The following GRID1 variants were observed in gnomAD, a reference collection of about 807,000 sequenced individuals.
GRID1 encodes glutamate receptor ionotropic, delta-1.
In GRID1, 28 loss-of-function variants were observed where a neutral mutation model predicts 98.0. The ratio of observed to expected loss-of-function variants is 0.29; its 90% CI spans 0.21 to 0.39. The LOEUF (loss-of-function observed/expected upper bound fraction) is 0.39. Among genes scored for constraint, GRID1 ranks in the 10% least tolerant of loss-of-function variants. The pLI, the probability that GRID1 is intolerant of heterozygous loss-of-function variation, is 1.00. For missense variants in GRID1, 1,111 were observed against 1,340.5 expected, an observed-to-expected ratio of 0.83 and a Z score of 2.67; for synonymous variants, 553 against 538.5, an observed-to-expected ratio of 1.03 and a Z score of -0.37.
intron 4 of GRID1, among the ~76,000 whole-genome samples, chr10:85,995,838 C>G (rs1842733284): frequency 6.6e-6 from 1 of 152,226 alleles, no homozygotes; most frequent in African/African-American, 2.4e-5. Context: ...GAAGGAAAAT[C>G]TCAGGAAAGC....
intron 13 of GRID1, 58 bp downstream of exon 13, chr10:85,647,144 G>C: frequency 7.1e-7 from 1 of 1,412,166 alleles, no homozygotes; most frequent in South Asian, 1.2e-5. Context: ...CCACCTGGGG[G>C]CTGACCACCC....
intron 8 of GRID1, among the ~76,000 whole-genome samples, chr10:85,801,653 T>C (rs942125386): frequency 6.6e-6 from 1 of 151,812 alleles, no homozygotes; most frequent in African/African-American, 2.4e-5. Flanking sequence ...AAGTGCTTTA[T>C]TTTGATAAAA....
chr10:85,899,029 A>G (rs1487293098), intron 5 of GRID1, among the ~76,000 whole-genome samples: 1 of 152,232 alleles, frequency 6.6e-6, no homozygotes, highest in African/African-American at 2.4e-5. Flanking sequence ...CTATGACATT[A>G]GGATGGCTAC....
At chr10:86,193,948 C>T (rs55774006) in intron 3 of GRID1, among the ~76,000 whole-genome samples, 12,266 of 152,074 alleles carry the variant, frequency 0.081, 645 homozygotes, top group Admixed American at 0.12. Flanking sequence ...CCTAAGTGGG[C>T]CCTTGCTGCA....
At chr10:86,054,596 G>A (rs747686316) in intron 4 of GRID1, among the ~76,000 whole-genome samples, 2 of 152,168 alleles carry the variant, frequency 1.3e-5, no homozygotes, top group Non-Finnish European at 2.9e-5. Context: ...TCTCATTTTG[G>A]CCCCTGGCTG....
At chr10:85,814,530 T>C (rs914458265) in intron 8 of GRID1, among the ~76,000 whole-genome samples, 1 of 151,888 alleles carries the variant, frequency 6.6e-6, no homozygotes, top group African/African-American at 2.4e-5. Flanking sequence ...ATGAGTAAGA[T>C]TGATAAACCT....
chr10:85,618,821 C>T (rs1267994611), intron 14 of GRID1, among the ~76,000 whole-genome samples: 1 of 152,218 alleles, frequency 6.6e-6, no homozygotes, highest in Non-Finnish European at 1.5e-5. Context: ...CTGGATTCTA[C>T]TCCCAGCTCT....
intron 4 of GRID1, among the ~76,000 whole-genome samples, chr10:86,094,375 G>A (rs1844191040): frequency 6.6e-6 from 1 of 152,094 alleles, no homozygotes; most frequent in Non-Finnish European, 1.5e-5. Flanking sequence ...AGAAATAAAG[G>A]GCATCCAAAT....
chr10:85,896,687 A>AC, intron 5 of GRID1, among the ~76,000 whole-genome samples: 1 of 152,332 alleles, frequency 6.6e-6, no homozygotes, highest in East Asian at 1.9e-4. Context: ...AATGCAGTGC[A>AC]CCTTTTTATC....
At chr10:86,007,589 T>C (rs1842875596) in intron 4 of GRID1, among the ~76,000 whole-genome samples, 1 of 152,220 alleles carries the variant, frequency 6.6e-6, no homozygotes, top group Non-Finnish European at 1.5e-5. Flanking sequence ...ACAATATCAC[T>C]GCTGAAACAA....
At chr10:86,232,001 A>ATT (rs148826331) in intron 2 of GRID1, among the ~76,000 whole-genome samples, 3 of 151,348 alleles carry the variant, frequency 2.0e-5, no homozygotes, top group Non-Finnish European at 4.4e-5. Flanking sequence ...CCGCATGGAC[A>ATT]TTTTTTTTTA....
At chr10:86,319,917 G>A (rs1267473384) in intron 2 of GRID1, among the ~76,000 whole-genome samples, 3 of 152,164 alleles carry the variant, frequency 2.0e-5, no homozygotes, top group Admixed American at 6.5e-5. Flanking sequence ...TAGCTCCCTC[G>A]GTGACAGCAG....
chr10:85,743,114 C>CCCCCA lies in GRID1; in HGVS notation c.1234-13501_1234-13500insTGGGG, dbSNP rs746066592. Among the ~76,000 whole-genome samples, 10 of 134,490 alleles carry CCCCCA rather than the reference C, an allele frequency of 7.4e-5. 1 individual carries two copies. The highest frequency in any genetic ancestry group is 2.5e-4 in the East Asian group (1 of 3,960). 88.2% of individuals were successfully genotyped at this position (134,490 alleles called of 152,430 possible). A position where few individuals can be genotyped will look rare whatever the true frequency, so the allele number is the denominator to read the frequency against. On this transcript the variant is annotated intron_variant, in intron 8 of 15. Coordinates refer to ENST00000327946, the MANE Select transcript of GRID1 (RefSeq NM_017551.3). ...AGGATAGAATTATGCAGCCCCCCCCCCCACCACCCATTGAGAACCAATTAT... is the reference window on the plus strand; with the variant it reads ...AGGATAGAATTATGCAGCCCCCCCCCCCCCACCACCACCCATTGAGAACCAATTAT...
rs1843156264 is a variant in GRID1 at position 86,029,428 on chromosome 10, T to C, written c.726+109391A>G. Among the ~76,000 whole-genome samples the C allele has an allele frequency of 2.6e-5, 4 of 152,204 alleles. No homozygotes were observed. In the South Asian group the frequency reaches 8.3e-4, roughly 31 times the overall value. On this transcript the variant is annotated intron_variant, in intron 4 of 15. Coordinates refer to ENST00000327946, the MANE Select transcript of GRID1 (RefSeq NM_017551.3). ...CACCTTTAAGAGGTCTTATCTGAGA[T>C]TCCTTGTGGAACAGAGTTCCATCAA... is the stretch of plus-strand genomic sequence containing the variant.
intron 6 of GRID1, among the ~76,000 whole-genome samples, chr10:85,860,787 T>C (rs1843157156): frequency 6.6e-6 from 1 of 151,882 alleles, no homozygotes; most frequent in Non-Finnish European, 1.5e-5. Context: ...ACGAGTGAAG[T>C]AGATCTCCAC....
At chr10:86,227,087 G>A (rs965019234) in intron 2 of GRID1, among the ~76,000 whole-genome samples, 5 of 152,222 alleles carry the variant, frequency 3.3e-5, no homozygotes, top group African/African-American at 1.2e-4. Context: ...GTCAAGAAAG[G>A]GAGCCTCCCT....
intron 12 of GRID1, among the ~76,000 whole-genome samples, chr10:85,698,436 A>T (rs971829508): frequency 6.6e-6 from 1 of 152,184 alleles, no homozygotes; most frequent in Admixed American, 6.5e-5. Context: ...TTATCATAAA[A>T]TGTTCACTTA....
intron 4 of GRID1, among the ~76,000 whole-genome samples, chr10:86,136,949 C>T (rs977136392): frequency 1.3e-5 from 2 of 151,982 alleles, no homozygotes; most frequent in African/African-American, 4.8e-5. Context: ...CCCCCTGTAC[C>T]TAAAATAAAA....
intron 9 of GRID1, among the ~76,000 whole-genome samples, chr10:85,728,806 T>G (rs74148741): frequency 0.017 from 2,577 of 152,262 alleles, 74 homozygotes; most frequent in African/African-American, 0.058. Context: ...AAAGCTTATC[T>G]GTGGTGTGCA....
Sources: gnomAD v4.1 joint callset for allele counts (sites outside exome capture counted in the v4.1 genomes callset) on GRCh38, gnomAD v4.1.1 for gene constraint, MANE v1.5 for transcripts, NCBI Gene and HGNC (gene_info 2026-07-23, HGNC 2026-07-21) for gene names.